REV3L: variants seen among roughly 807,000 people sequenced by gnomAD.
The protein encoded by REV3L is DNA polymerase zeta catalytic subunit.
REV3L carries 69 observed loss-of-function variants against 299.4 expected under a neutral mutation model. That is an observed-to-expected ratio of 0.23 (90% CI 0.19 to 0.28). The LOEUF is 0.28. REV3L is among the 10% of genes least tolerant of loss of function. The probability of loss-of-function intolerance (pLI) is 1.00; values close to 1 mark genes in which losing one functional copy is unlikely to be tolerated. For missense variants in REV3L, 3,128 were observed against 3,693.8 expected (o/e 0.85, Z 3.97); for synonymous variants, 1,238 against 1,271.4 (o/e 0.97, Z 0.56).
chr6:111,299,793 A>G lies in REV3L; in HGVS notation c.*223T>C, dbSNP rs931869899. 11 of 360,282 alleles carry G rather than the reference A, an allele frequency of 3.1e-5. No homozygotes were observed. Among genetic ancestry groups the G allele is most frequent in the Non-Finnish European group, 4.9e-5 (10 of 202,166 alleles). The allele number at this position is 360,282 out of a possible 1,614,324, so 22.3% of individuals were successfully genotyped here. ...AATCCAACACCTGCATTATAAAACA[A>G]TGTTTAAAAGGTGACAGAATGAGGA... On this transcript the variant is annotated 3_prime_UTR_variant, in exon 32 of 32. Coordinates refer to ENST00000368802, the MANE Select transcript of REV3L (RefSeq NM_001372078.1).
In REV3L at chr6:111,374,910, G is replaced by A. The variant is rs1780148443; in HGVS notation, c.3445C>T (p.Leu1149Phe). 6.2e-7 allele frequency: 1 copy of A among 1,613,090 alleles called. No individual in the cohort carries two copies. Among genetic ancestry groups the A allele is most frequent in the Admixed American group, 1.7e-5 (1 of 59,822 alleles). The stretch of plus-strand genomic sequence containing the variant: ...TTATATACATTAGGACCCTTAAAAA[G>A]CATTGCCTCTTTTTCTGCAGCAGCC... ...IMAAAEKEAM[L>F]FKGPNVYKKT... Residue 1149 changes from leucine (L) to phenylalanine (F), a missense_variant, in exon 13 of 32, where the codon CTT becomes TTT. Coordinates refer to ENST00000368802, the MANE Select transcript of REV3L (RefSeq NM_001372078.1).
chr6:111,322,966 GGAA>G (rs912559147), intron 25 of REV3L, among the ~76,000 whole-genome samples: 11 of 151,972 alleles, frequency 7.2e-5, no homozygotes, highest in Admixed American at 3.3e-4. Context: ...TTGGATTCTT[GGAA>G]GAATAATCCT....
At chr6:111,360,421 T>TAACAAA (rs1778528246) in intron 16 of REV3L, among the ~76,000 whole-genome samples, 1 of 152,032 alleles carries the variant, frequency 6.6e-6, no homozygotes, top group Non-Finnish European at 1.5e-5. Context: ...ATTGAGTATT[T>TAACAAA]TTGGTATATA....
Position 111,313,361 on chromosome 6 carries a change from A to T in REV3L, c.8595T>A (p.Ala2865=). 6.2e-7 allele frequency: 1 copy of T among 1,608,106 alleles called. No individual in the cohort carries two copies. Among genetic ancestry groups the T allele is most frequent in the Non-Finnish European group, 8.5e-7 (1 of 1,178,568 alleles). Reference sequence around the variant, plus strand: ...GATAGATAAACCTTACCTTAGAAACAGCAGGGCAGGAATCTCTTCTGACTG... The same window carrying T: ...GATAGATAAACCTTACCTTAGAAACTGCAGGGCAGGAATCTCTTCTGACTG... ...IETVRRDSCP[A]VSKILERSLK... The change falls in exon 28 of 32, where the codon GCT becomes GCA. Residue 2865 remains alanine (A), a synonymous_variant. Transcript: ENST00000368802.
chr6:111,398,973 C>T (rs990187655), intron 4 of REV3L, among the ~76,000 whole-genome samples: 12 of 152,120 alleles, frequency 7.9e-5, no homozygotes, highest in African/African-American at 2.9e-4. Flanking sequence ...TTTGCAACAA[C>T]CTAATAAATT....
At chr6:111,454,940 A>G (rs1307137690) in intron 1 of REV3L, among the ~76,000 whole-genome samples, 5 of 152,198 alleles carry the variant, frequency 3.3e-5, no homozygotes, top group Non-Finnish European at 7.3e-5. Flanking sequence ...TGTTGGGATT[A>G]CAGGCATGAG....
Position 111,374,856 on chromosome 6 carries a change from T to A in REV3L, c.3499A>T (p.Thr1167Ser). 1 of 1,613,900 alleles carries A rather than the reference T, an allele frequency of 6.2e-7. No homozygotes were observed. The highest frequency in any genetic ancestry group is 1.7e-5 in the Admixed American group (1 of 59,994). Residue 1167 changes from threonine to serine, a missense_variant, in exon 13 of 32, where the codon ACT becomes TCT. Thr to Ser is a moderately conservative substitution (Grantham distance 58, BLOSUM62 1). This residue lies in a region of REV3L where 2,409 missense variants were observed against 2,611.8 expected (regional missense o/e 0.92). Coordinates refer to ENST00000368802, the MANE Select transcript of REV3L (RefSeq NM_001372078.1). ...KKTVNSRIGK[T>S]SRARAQIKKS... ...TTAATCTGTGCTCTTGCGCGACTAGTTTTTCCTATACGAGAATTAACAGTC... is the reference window on the plus strand; with the variant it reads ...TTAATCTGTGCTCTTGCGCGACTAGATTTTCCTATACGAGAATTAACAGTC...
chr6:111,465,687 C>T (rs550714354), intron 1 of REV3L, among the ~76,000 whole-genome samples: 12 of 144,850 alleles, frequency 8.3e-5, no homozygotes, highest in South Asian at 4.4e-4. Flanking sequence ...GAGCTGAGAT[C>T]GCGCCCGAGC....
rs562660602 is a variant in REV3L, at chr6:111,445,046, T to A, written c.140-28574A>T. The stretch of plus-strand genomic sequence containing the variant: ...ATCGTTTTCAAGAATCAACTACAGA[T>A]AATAAGACGGCAACAGGAGAGAAAT... On this transcript the variant is annotated intron_variant, in intron 1 of 31. Coordinates refer to ENST00000368802, the MANE Select transcript of REV3L (RefSeq NM_001372078.1). 2.6e-5 allele frequency among the ~76,000 whole-genome samples: 4 copies of A among 152,272 alleles called. No individual in the cohort carries two copies. The South Asian group carries it at 8.3e-4, about 32-fold the overall frequency.
At chr6:111,432,260 G>T (rs775002921) in intron 1 of REV3L, among the ~76,000 whole-genome samples, 6 of 152,186 alleles carry the variant, frequency 3.9e-5, no homozygotes, top group Non-Finnish European at 7.4e-5. Flanking sequence ...AAGGCAGAAT[G>T]AATTCTGTCT....
intron 26 of REV3L, among the ~76,000 whole-genome samples, chr6:111,317,944 C>T (rs552684937): frequency 6.6e-6 from 1 of 152,254 alleles, no homozygotes; most frequent in South Asian, 2.1e-4. Flanking sequence ...AGCAGTATTC[C>T]ACTGTATGGA....
chr6:111,460,847 A>G (rs1790682177), intron 1 of REV3L, among the ~76,000 whole-genome samples: 1 of 152,156 alleles, frequency 6.6e-6, no homozygotes, highest in Admixed American at 6.6e-5. Flanking sequence ...TGGTGGTCCC[A>G]TAAGATTACG....
chr6:111,397,001 T>C (rs1447348811), intron 4 of REV3L, among the ~76,000 whole-genome samples: 2 of 152,138 alleles, frequency 1.3e-5, no homozygotes, highest in Admixed American at 6.5e-5. Flanking sequence ...TGTCTAATTT[T>C]ATGTATGTCT....
intron 1 of REV3L, among the ~76,000 whole-genome samples, chr6:111,428,562 T>A (rs1161057335): frequency 6.6e-6 from 1 of 151,812 alleles, no homozygotes; most frequent in South Asian, 2.1e-4. Context: ...AAATCAAAAC[T>A]GAGAAATACA....
At chr6:111,302,629 G>C (rs1330667336) in intron 31 of REV3L, among the ~76,000 whole-genome samples, 1 of 152,156 alleles carries the variant, frequency 6.6e-6, no homozygotes, top group Non-Finnish European at 1.5e-5. Flanking sequence ...TCAAGGCTGG[G>C]CACAGTGGCT....
rs200341270 is a variant in REV3L, at chr6:111,422,615, CATAT to C, written c.140-6147_140-6144del. Among the ~76,000 whole-genome samples the C allele has an allele frequency of 3.7e-4, 5 of 13,642 alleles. 1 individual carries two copies. The highest frequency in any genetic ancestry group is 6.8e-4 in the African/African-American group (4 of 5,868). The allele number at this position is 13,642 out of a possible 152,430, so 8.9% of individuals were successfully genotyped here. ...ATATACACATATATATATATATACACATATATATATATATACACATATATATATA... is the reference window on the plus strand; with the variant it reads ...ATATACACATATATATATATATACACATATATATATACACATATATATATA... On this transcript the variant is annotated intron_variant, in intron 1 of 31. Coordinates refer to ENST00000368802, the MANE Select transcript of REV3L (RefSeq NM_001372078.1).
chr6:111,388,044 G>T lies in REV3L; in HGVS notation c.904C>A (p.Gln302Lys), dbSNP rs1007669526. 1.2e-6 allele frequency: 2 copies of T among 1,612,626 alleles called. No homozygotes were observed. The highest frequency in any genetic ancestry group is 1.7e-6 in the Non-Finnish European group (2 of 1,179,584). Residue 302 changes from glutamine (Q) to lysine (K), a missense_variant, in exon 8 of 32, where the codon CAG (glutamine) becomes AAG (lysine). Transcript: ENST00000368802. ...VPATESEKKFQKRLQEILKQN... is the reference protein window; with the variant it reads ...VPATESEKKFKKRLQEILKQN... ...TTGAGAATTTCCTGAAGTCTCTTCTGAAATTTTTTTTCACTTTCTGTTGCT... is the reference window on the plus strand; with the variant it reads ...TTGAGAATTTCCTGAAGTCTCTTCTTAAATTTTTTTTCACTTTCTGTTGCT...
chr6:111,465,055 G>C (rs1791274975), intron 1 of REV3L, among the ~76,000 whole-genome samples: 1 of 151,180 alleles, frequency 6.6e-6, no homozygotes, highest in Admixed American at 6.6e-5. Flanking sequence ...ACACACTAAA[G>C]GAAAGGGTAA....
At chr6:111,338,912 C>T (rs2114874534) in intron 21 of REV3L, among the ~76,000 whole-genome samples, 1 of 152,130 alleles carries the variant, frequency 6.6e-6, no homozygotes, top group African/African-American at 2.4e-5. Flanking sequence ...ACAGCACAGA[C>T]TTTGGAGTGA....
Sources: gnomAD v4.1 joint callset for allele counts (sites outside exome capture counted in the v4.1 genomes callset) on GRCh38, gnomAD v4.1.1 for gene constraint, gnomAD v4.1.1 regional missense constraint, MANE v1.5 for transcripts, NCBI Gene and HGNC (gene_info 2026-07-23, HGNC 2026-07-21) for gene names.